CCDC91: variants seen among roughly 807,000 people sequenced by gnomAD.
CCDC91 encodes the protein coiled-coil domain-containing protein 91.
In CCDC91, 48 loss-of-function variants were observed where a neutral mutation model predicts 63.2. That is an observed-to-expected ratio of 0.76 (90% CI 0.60 to 0.97). The LOEUF (loss-of-function observed/expected upper bound fraction) is 0.97, where lower values mean the gene tolerates loss of function less well. Among genes scored for constraint, CCDC91 ranks in the 50% least tolerant of loss-of-function variants. The pLI is 0.00. For synonymous variants in CCDC91, 167 were observed against 165.8 expected (o/e 1.01, Z -0.06); for missense variants, 500 against 494.6 (o/e 1.01, Z -0.10).
At chr12:28,377,622 G>T (rs1233967227) in intron 7 of CCDC91, among the ~76,000 whole-genome samples, 1 of 151,896 alleles carries the variant, frequency 6.6e-6, no homozygotes, top group Non-Finnish European at 1.5e-5. Context: ...AACCAGAAGG[G>T]TTTATTTTTT....
intron 11 of CCDC91, among the ~76,000 whole-genome samples, chr12:28,458,929 C>G (rs970705348): frequency 6.6e-6 from 1 of 152,100 alleles, no homozygotes; most frequent in Non-Finnish European, 1.5e-5. Flanking sequence ...TTAAATTCTT[C>G]CAGTGCCTCC....
At chr12:28,232,420 T>A (rs1944659201) in intron 1 of CCDC91, among the ~76,000 whole-genome samples, 1 of 152,148 alleles carries the variant, frequency 6.6e-6, no homozygotes, top group South Asian at 2.1e-4. Context: ...CTTGTAGCTA[T>A]TATGTACTTG....
chr12:28,409,294 T>G (rs1249501911), intron 8 of CCDC91, among the ~76,000 whole-genome samples: 4 of 152,176 alleles, frequency 2.6e-5, no homozygotes, highest in Non-Finnish European at 5.9e-5. Context: ...AAATGTTGCA[T>G]TTTGTTGAAC....
intron 6 of CCDC91, among the ~76,000 whole-genome samples, chr12:28,329,836 G>T (rs1455475202): frequency 1.3e-5 from 2 of 152,004 alleles, no homozygotes; most frequent in Non-Finnish European, 1.5e-5. Context: ...TCATTGTTCA[G>T]TTCCCACCTA....
At chr12:28,252,408 A>G (rs1044563038) in intron 1 of CCDC91, among the ~76,000 whole-genome samples, 1 of 151,824 alleles carries the variant, frequency 6.6e-6, no homozygotes, top group African/African-American at 2.4e-5. Context: ...TAATAATTAG[A>G]TATTACGTAT....
chr12:28,489,250 C>CT (rs1247231235), intron 12 of CCDC91, among the ~76,000 whole-genome samples: 1 of 151,856 alleles, frequency 6.6e-6, no homozygotes, highest in Non-Finnish European at 1.5e-5. Flanking sequence ...AGATTTCTCT[C>CT]TATGTATTAA....
intron 6 of CCDC91, among the ~76,000 whole-genome samples, chr12:28,347,693 A>G (rs1389524219): frequency 1.3e-5 from 2 of 152,248 alleles, no homozygotes; most frequent in Non-Finnish European, 2.9e-5. Flanking sequence ...TTCCTTGCTT[A>G]GAAATCACCC....
chr12:28,205,989 G>A (rs984550202), intron 1 of CCDC91, among the ~76,000 whole-genome samples: 4 of 152,192 alleles, frequency 2.6e-5, no homozygotes, highest in African/African-American at 7.2e-5. Context: ...AACCCACCAG[G>A]AAACAGTAGA....
Position 28,307,642 on chromosome 12 carries a change from T to G in CCDC91, c.472-3T>G. 1 of 1,446,226 alleles carries G rather than the reference T, an allele frequency of 6.9e-7. No homozygotes were observed. Among genetic ancestry groups the G allele is most frequent in the Non-Finnish European group, 9.4e-7 (1 of 1,058,836 alleles). The allele number at this position is 1,446,226 out of a possible 1,614,324, so 89.6% of individuals were successfully genotyped here. A position where few individuals can be genotyped will look rare whatever the true frequency, so the allele number is the denominator to read the frequency against. On this transcript the variant is annotated splice_region_variant and splice_polypyrimidine_tract_variant and intron_variant, in intron 5 of 12. Transcript: ENST00000536442. ...AAAGCTTGTATTTGTATTTTTATTT[T>G]AGGATGTGGAATCATTGATGGAAAA...
At chr12:28,368,826 GAGAA>G (rs1056066218) in intron 7 of CCDC91, among the ~76,000 whole-genome samples, 3 of 142,918 alleles carry the variant, frequency 2.1e-5, no homozygotes, top group South Asian at 4.4e-4. Context: ...TGGGGAGAGA[GAGAA>G]AGAGAGAGAG....
chr12:28,517,524 G>A (rs1166566436), intron 12 of CCDC91, among the ~76,000 whole-genome samples: 2 of 151,842 alleles, frequency 1.3e-5, no homozygotes, highest in Non-Finnish European at 2.9e-5. Context: ...CAAATTTGAG[G>A]CTGTGTTTTT....
At chr12:28,318,350 C>A (rs1296091518) in intron 6 of CCDC91, among the ~76,000 whole-genome samples, 1 of 151,314 alleles carries the variant, frequency 6.6e-6, no homozygotes, top group Non-Finnish European at 1.5e-5. Context: ...TAGTGAGACC[C>A]CATTTCTCAA....
intron 8 of CCDC91, among the ~76,000 whole-genome samples, chr12:28,411,778 A>G (rs1295085754): frequency 6.6e-6 from 1 of 152,222 alleles, no homozygotes; most frequent in Non-Finnish European, 1.5e-5. Context: ...TACATTACTC[A>G]TGAAAATCTA....
At chr12:28,193,292 G>A (rs932031339) in intron 1 of CCDC91, among the ~76,000 whole-genome samples, 4 of 152,144 alleles carry the variant, frequency 2.6e-5, no homozygotes, top group African/African-American at 4.8e-5. Flanking sequence ...CCGTGTGCAA[G>A]TGCATGTTTA....
At chr12:28,544,865 G>GTTTACATTTACAC (rs1178520444) in intron 12 of CCDC91, among the ~76,000 whole-genome samples, 1 of 151,994 alleles carries the variant, frequency 6.6e-6, no homozygotes, top group Admixed American at 6.6e-5. Context: ...AAACACTCAT[G>GTTTACATTTACAC]AAAGGGTAAA....
At chr12:28,236,712 A>C (rs1944973234) in intron 1 of CCDC91, 1 of 152,098 alleles carries the variant, frequency 6.6e-6, no homozygotes, top group African/African-American at 2.4e-5. Flanking sequence ...GGACCACGTA[A>C]AATGTGAAAA....
intron 1 of CCDC91, among the ~76,000 whole-genome samples, chr12:28,218,961 A>G (rs1404253747): frequency 6.6e-6 from 1 of 152,188 alleles, no homozygotes; most frequent in Non-Finnish European, 1.5e-5. Context: ...CTCTTAGGTC[A>G]ATAGCTTGGA....
chr12:28,497,862 T>C (rs1162051290), intron 12 of CCDC91, among the ~76,000 whole-genome samples: 1 of 151,654 alleles, frequency 6.6e-6, no homozygotes, highest in Non-Finnish European at 1.5e-5. Context: ...AGAGTACTTA[T>C]TCGTTTAAGC....
chr12:28,490,021 T>C (rs930420235), intron 12 of CCDC91, among the ~76,000 whole-genome samples: 1 of 151,960 alleles, frequency 6.6e-6, no homozygotes, highest in African/African-American at 2.4e-5. Flanking sequence ...AACATTTTCC[T>C]TGACAGTTGA....
Sources: allele counts gnomAD v4.1 joint callset (sites outside exome capture counted in the v4.1 genomes callset), GRCh38; gene constraint gnomAD v4.1.1; transcripts MANE v1.5; gene names NCBI Gene and HGNC (gene_info 2026-07-23, HGNC 2026-07-21).